ELP4: variants seen among roughly 807,000 people sequenced by gnomAD.
The protein encoded by ELP4 is elongator acetyltransferase complex subunit 4.
A neutral mutation model predicts 48.9 loss-of-function variants in ELP4; 51 were observed. That is an observed-to-expected ratio of 1.04 (90% CI 0.83 to 1.32). The LOEUF is 1.32. ELP4 is among the 40% of genes most tolerant of loss of function. The pLI is 0.00. For synonymous variants in ELP4, 210 were observed against 189.2 expected, an observed-to-expected ratio of 1.11 and a Z score of -0.90; for missense variants, 519 against 514.6, an observed-to-expected ratio of 1.01 and a Z score of -0.08.
intron 3 of ELP4, among the ~76,000 whole-genome samples, chr11:31,581,429 C>T (rs1188372485): frequency 1.3e-5 from 2 of 151,254 alleles, no homozygotes. Context: ...CTTAATTCCA[C>T]TCTCAAATTT....
chr11:31,571,267 C>T (rs779732643), intron 3 of ELP4, among the ~76,000 whole-genome samples: 27 of 152,190 alleles, frequency 1.8e-4, no homozygotes, highest in Non-Finnish European at 3.1e-4. Context: ...GTGTTCATAG[C>T]GCCTTCACCA....
intron 4 of ELP4, 150 bp from the exon 5 acceptor site, chr11:31,603,618 C>A: frequency 3.3e-6 from 2 of 606,996 alleles, no homozygotes; most frequent in Non-Finnish European, 5.4e-6. Context: ...TTGTTGTATG[C>A]TTCTTTGAAA....
intron 4 of ELP4, among the ~76,000 whole-genome samples, chr11:31,598,051 G>C (rs188919202): frequency 4.0e-5 from 6 of 149,978 alleles, no homozygotes; most frequent in Non-Finnish European, 7.4e-5. Context: ...CGCCTCCCGG[G>C]TTCAAGCGAT....
intron 2 of ELP4, among the ~76,000 whole-genome samples, chr11:31,538,255 C>G (rs1321760975): frequency 6.7e-6 from 1 of 148,176 alleles, no homozygotes; most frequent in Non-Finnish European, 1.5e-5. Context: ...ATATATATTA[C>G]TATATAAAAT....
chr11:31,572,306 C>T, intron 3 of ELP4, among the ~76,000 whole-genome samples: 1 of 152,150 alleles, frequency 6.6e-6, no homozygotes, highest in African/African-American at 2.4e-5. Context: ...GAAGCTTCTT[C>T]ATCTCTCTTG....
chr11:31,514,070 C>T (rs1956060760), intron 1 of ELP4, among the ~76,000 whole-genome samples: 1 of 152,170 alleles, frequency 6.6e-6, no homozygotes, highest in African/African-American at 2.4e-5. Flanking sequence ...CTTTCAACCT[C>T]TTGTATTCTT....
chr11:31,666,691 C>CAA (rs11285658), intron 9 of ELP4, among the ~76,000 whole-genome samples: 4 of 104,874 alleles, frequency 3.8e-5, no homozygotes, highest in Admixed American at 9.4e-5. Context: ...GATTCTGTCT[C>CAA]AAAAAAAAAA....
chr11:31,706,857 T>C, intron 9 of ELP4: 1 of 391,478 alleles, frequency 2.6e-6, no homozygotes, highest in Middle Eastern at 6.5e-4. Flanking sequence ...TCCTGGCTTA[T>C]TTCACTTAAT....
intron 9 of ELP4, among the ~76,000 whole-genome samples, chr11:31,756,979 TATA>T (rs1241440402): frequency 3.3e-5 from 5 of 152,226 alleles, no homozygotes; most frequent in African/African-American, 1.2e-4. Context: ...GAGAATCTGA[TATA>T]ATGTCTAGAT....
intron 9 of ELP4, among the ~76,000 whole-genome samples, chr11:31,694,238 A>G (rs1322641756): frequency 6.6e-6 from 1 of 152,172 alleles, no homozygotes; most frequent in Non-Finnish European, 1.5e-5. Context: ...GTCCTTGCCC[A>G]TGCCTATGTC....
chr11:31,516,090 A>G (rs1287558386), intron 1 of ELP4, among the ~76,000 whole-genome samples: 2 of 152,126 alleles, frequency 1.3e-5, no homozygotes, highest in African/African-American at 4.8e-5. Context: ...TCCAGCCTGG[A>G]GGACATAGCA....
chr11:31,630,425 TTCAAG>T (rs1465712960), intron 6 of ELP4, among the ~76,000 whole-genome samples: 2 of 151,456 alleles, frequency 1.3e-5, no homozygotes, highest in Non-Finnish European at 2.9e-5. Context: ...GCCTCCCAGG[TTCAAG>T]CAATTCTCCT....
At chr11:31,728,398 A>G (rs1489056606) in intron 9 of ELP4, among the ~76,000 whole-genome samples, 1 of 152,200 alleles carries the variant, frequency 6.6e-6, no homozygotes, top group Non-Finnish European at 1.5e-5. Flanking sequence ...AAAATTAAGT[A>G]TTTCAAGTAT....
intron 9 of ELP4, among the ~76,000 whole-genome samples, chr11:31,745,370 C>A (rs1686930526): frequency 6.6e-6 from 1 of 152,160 alleles, no homozygotes; most frequent in South Asian, 2.1e-4. Context: ...TGACTTTCTT[C>A]ACAGAATTGG....
chr11:31,683,701 AC>A (rs1946102502), intron 9 of ELP4, among the ~76,000 whole-genome samples: 1 of 152,206 alleles, frequency 6.6e-6, no homozygotes, highest in African/African-American at 2.4e-5. Flanking sequence ...TACTAGAGAT[AC>A]AAAAATAAGA....
chr11:31,711,877 G>T (rs1333942366), intron 9 of ELP4, among the ~76,000 whole-genome samples: 1 of 152,034 alleles, frequency 6.6e-6, no homozygotes, highest in Non-Finnish European at 1.5e-5. Flanking sequence ...TATTAATGAT[G>T]CAGCTGATGA....
intron 9 of ELP4, among the ~76,000 whole-genome samples, chr11:31,678,396 C>T (rs1945975399): frequency 6.6e-6 from 1 of 152,044 alleles, no homozygotes; most frequent in Non-Finnish European, 1.5e-5. Context: ...TTGCAGAGAA[C>T]CGTGGTCGCA....
At chr11:31,627,929 T>C (rs1944781277) in intron 6 of ELP4, among the ~76,000 whole-genome samples, 1 of 152,122 alleles carries the variant, frequency 6.6e-6, no homozygotes, top group Non-Finnish European at 1.5e-5. Flanking sequence ...TTTTTGGCAC[T>C]ATCAGCTACA....
intron 3 of ELP4, among the ~76,000 whole-genome samples, chr11:31,579,900 A>G (rs193065627): frequency 8.7e-4 from 133 of 152,206 alleles, no homozygotes; most frequent in African/African-American, 3.2e-3. Flanking sequence ...AAACCTGCAC[A>G]TTGTGCACCT....
Sources: gnomAD v4.1 joint callset for allele counts (sites outside exome capture counted in the v4.1 genomes callset) on GRCh38, gnomAD v4.1.1 for gene constraint, MANE v1.5 for transcripts, NCBI Gene and HGNC (gene_info 2026-07-23, HGNC 2026-07-21) for gene names.